Variants in CFAP251 observed in about 807,000 individuals in gnomAD.
CFAP251 encodes the protein cilia and flagella associated protein 251.
Under a neutral mutation model 126.7 loss-of-function variants are expected in CFAP251, and 93 were observed. That is an observed-to-expected ratio of 0.73 (90% CI 0.62 to 0.87). The LOEUF (loss-of-function observed/expected upper bound fraction) is 0.87. Among genes scored for constraint, CFAP251 ranks in the 40% least tolerant of loss-of-function variants. The pLI is 0.00. For missense variants in CFAP251, 1,287 were observed against 1,389.2 expected (o/e 0.93, Z 1.17); for synonymous variants, 503 against 506.9 (o/e 0.99, Z 0.10).
chr12:121,960,833 T>C, intron 14 of CFAP251, 75 bp downstream of exon 14: 2 of 1,507,194 alleles, frequency 1.3e-6, no homozygotes, highest in Non-Finnish European at 1.8e-6. Flanking sequence ...GCATCTTGCA[T>C]AGAGCCAGGC....
At chr12:121,978,662 C>T (rs556789340) in intron 19 of CFAP251, among the ~76,000 whole-genome samples, 68 of 152,044 alleles carry the variant, frequency 4.5e-4, no homozygotes, top group Non-Finnish European at 8.5e-4. Flanking sequence ...ACAGAGGATG[C>T]GTGTGCATAT....
intron 2 of CFAP251, among the ~76,000 whole-genome samples, chr12:121,922,033 G>A (rs1053001819): frequency 6.6e-6 from 1 of 150,906 alleles, no homozygotes; most frequent in African/African-American, 2.4e-5. Flanking sequence ...GATCTCAAAT[G>A]ATCTGCCCAC....
At position 121,958,176 on chromosome 12, in the gene CFAP251, C is replaced by A; in HGVS notation, c.1731-96C>A. On this transcript the variant is annotated intron_variant, in intron 11 of 21. Transcript: ENST00000288912. ...GTTAATAATGTCACTAAATTACAGA[C>A]GACAGAGGCGTTTTATGTGCAATTA... 2.6e-6 allele frequency: 4 copies of A among 1,524,134 alleles called. No individual in the cohort carries two copies. The East Asian group carries it at 9.1e-5, about 35-fold the overall frequency. The allele number at this position is 1,524,134 out of a possible 1,614,324, so 94.4% of individuals were successfully genotyped here.
At chr12:121,985,215 T>G (rs1307376405) in intron 19 of CFAP251, among the ~76,000 whole-genome samples, 1 of 152,218 alleles carries the variant, frequency 6.6e-6, no homozygotes, top group African/African-American at 2.4e-5. Flanking sequence ...TGTATATATC[T>G]TTTGACTCAA....
At chr12:121,924,295 A>T (rs1419345413) in intron 3 of CFAP251, among the ~76,000 whole-genome samples, 1 of 150,716 alleles carries the variant, frequency 6.6e-6, no homozygotes, top group Non-Finnish European at 1.5e-5. Context: ...TTTTTAGTAG[A>T]GATGGCGTCT....
chr12:121,974,410 C>T lies in CFAP251; in HGVS notation c.2772-834C>T, dbSNP rs830117. On this transcript the variant is annotated intron_variant, in intron 17 of 21. Coordinates refer to ENST00000288912, the MANE Select transcript of CFAP251 (RefSeq NM_144668.6). The surrounding 1 kb of genome is among the most constrained non-coding windows in gnomAD (Gnocchi z 4.6). ...TTACAACAATGCTGTGAGGCAGAAT[C>T]GTCTCATTTTATAGTGGAGGACACT... 0.011 allele frequency among the ~76,000 whole-genome samples: 1,689 copies of T among 152,268 alleles called. 36 individuals carry two copies. The highest frequency in any genetic ancestry group is 0.038 in the African/African-American group (1,580 of 41,546).
intron 20 of CFAP251, 91 bp downstream of exon 20, chr12:122,000,035 C>T: frequency 8.4e-7 from 1 of 1,196,662 alleles, no homozygotes; most frequent in Admixed American, 2.3e-5. Context: ...TGTGGAGCTC[C>T]ATCTTTCATG....
chr12:121,994,395 C>T (rs1440720545), intron 19 of CFAP251, among the ~76,000 whole-genome samples: 8 of 87,676 alleles, frequency 9.1e-5, no homozygotes, highest in African/African-American at 1.3e-4. Context: ...CGCCTCTGCC[C>T]GGCCGCCCCT....
intron 3 of CFAP251, among the ~76,000 whole-genome samples, chr12:121,928,672 A>ATATTCG (rs1880540670): frequency 5.2e-5 from 1 of 19,310 alleles, no homozygotes; most frequent in African/African-American, 3.8e-4. Flanking sequence ...ATATATACGT[A>ATATTCG]TATATATATA....
intron 5 of CFAP251, among the ~76,000 whole-genome samples, chr12:121,935,245 C>T (rs570027610): frequency 9.2e-5 from 14 of 152,222 alleles, no homozygotes; most frequent in Non-Finnish European, 1.8e-4. Context: ...GCATGAGCCA[C>T]CGCATCCGAT....
intron 5 of CFAP251, among the ~76,000 whole-genome samples, chr12:121,942,322 C>T (rs1194140240): frequency 6.6e-6 from 1 of 152,114 alleles, no homozygotes; most frequent in Non-Finnish European, 1.5e-5. Flanking sequence ...TGCCTGGCTT[C>T]TTTCACTCAG....
intron 19 of CFAP251, chr12:121,992,344 T>C: frequency 1.0e-6 from 1 of 985,322 alleles, no homozygotes; most frequent in South Asian, 4.7e-5. Context: ...GCCAACTCCG[T>C]GCTTGTTGAG....
chr12:121,939,363 C>T (rs559480766), intron 5 of CFAP251, among the ~76,000 whole-genome samples: 96 of 152,258 alleles, frequency 6.3e-4, no homozygotes, highest in Non-Finnish European at 1.1e-3. Flanking sequence ...CTCTCAGCTG[C>T]AAGTACTGGC....
chr12:121,966,968 G>A lies in CFAP251; in HGVS notation c.2506G>A (p.Gly836Arg). Residue 836 changes from glycine (G) to arginine (R), a missense_variant, in exon 16 of 22, where the codon GGG becomes AGG. Coordinates refer to ENST00000288912, the MANE Select transcript of CFAP251 (RefSeq NM_144668.6). ...TTKMCRKTLL[G>R]PAYGSPIEQT... The stretch of plus-strand genomic sequence containing the variant: ...TTTTGCCTTCAGAAAGACGCTTCTG[G>A]GGCCAGCTTATGGTTCCCCTATTGA... 1 of 1,614,094 alleles carries A rather than the reference G, an allele frequency of 6.2e-7. No homozygotes were observed. Among genetic ancestry groups the A allele is most frequent in the Non-Finnish European group, 8.5e-7 (1 of 1,180,026 alleles).
intron 16 of CFAP251, 70 bp downstream of exon 16, chr12:121,967,139 A>T: frequency 7.1e-7 from 1 of 1,404,528 alleles, no homozygotes; most frequent in South Asian, 1.2e-5. Flanking sequence ...ATTACTGAAG[A>T]TCACGAGACT....
chr12:121,927,753 C>T (rs1880477368), intron 3 of CFAP251, among the ~76,000 whole-genome samples: 1 of 152,186 alleles, frequency 6.6e-6, no homozygotes, highest in South Asian at 2.1e-4. Flanking sequence ...CTCCTTAGTG[C>T]TAAGGCCTGT....
intron 3 of CFAP251, among the ~76,000 whole-genome samples, chr12:121,931,338 T>C (rs1343138163): frequency 6.6e-6 from 1 of 152,084 alleles, no homozygotes; most frequent in Non-Finnish European, 1.5e-5. Flanking sequence ...TTAACCTTTT[T>C]TTCTCACACT....
At chr12:121,961,119 A>T (rs1011015101) in intron 14 of CFAP251, among the ~76,000 whole-genome samples, 17 of 152,268 alleles carry the variant, frequency 1.1e-4, no homozygotes, top group Admixed American at 9.8e-4. Flanking sequence ...GCTGCTACCT[A>T]AATGTGAAAA....
intron 19 of CFAP251, chr12:121,998,476 TA>T (rs1883074375): frequency 2.7e-5 from 2 of 74,260 alleles, no homozygotes; most frequent in African/African-American, 1.1e-4. Context: ...TATATATATA[TA>T]TATATATATA....
Sources: allele counts gnomAD v4.1 joint callset (sites outside exome capture counted in the v4.1 genomes callset), GRCh38; gene constraint gnomAD v4.1.1; non-coding constraint Gnocchi (gnomAD v3.1); transcripts MANE v1.5; gene names NCBI Gene and HGNC (gene_info 2026-07-23, HGNC 2026-07-21).